SPMIP4: variants seen among roughly 807,000 people sequenced by gnomAD.
SPMIP4 encodes sperm microtubule inner protein 4, also known as sperm-associated microtubule inner protein 4.
At chr7:25,155,101 G>T in the SPMIP4 span, 1 of 1,613,800 alleles carries the variant, frequency 6.2e-7, no homozygotes, top group Non-Finnish European at 8.5e-7. Flanking sequence ...CCCGTGTAGA[G>T]GTCCTCAGGT....
chr7:25,134,623 AC>A, the SPMIP4 span: 2 of 964,180 alleles, frequency 2.1e-6, no homozygotes, highest in African/African-American at 1.8e-5. Flanking sequence ...TTTCCATGCA[AC>A]CCAGGGAAGC....
the SPMIP4 span, chr7:25,126,070 TAA>T: frequency 3.4e-6 from 1 of 295,458 alleles, no homozygotes; most frequent in Non-Finnish European, 5.0e-6. Flanking sequence ...TATATATACT[TAA>T]GAGGTACATG....
At chr7:25,162,780 A>AAT in the SPMIP4 span, among the ~76,000 whole-genome samples, 3 of 142,824 alleles carry the variant, frequency 2.1e-5, no homozygotes, top group Non-Finnish European at 3.0e-5. Flanking sequence ...ATTTATTTAA[A>AAT]TTTTTTTTTG....
At chr7:25,140,889 G>C in the SPMIP4 span, among the ~76,000 whole-genome samples, 1 of 152,124 alleles carries the variant, frequency 6.6e-6, no homozygotes, top group African/African-American at 2.4e-5. Flanking sequence ...GCCTGACCCA[G>C]CTCAGTTTTT....
the SPMIP4 span, among the ~76,000 whole-genome samples, chr7:25,173,156 ATGGACTG>A: frequency 1.3e-5 from 2 of 151,868 alleles, no homozygotes; most frequent in Non-Finnish European, 2.9e-5. This position sits in a 1 kb window ranked among gnomAD's most constrained non-coding sequence, Gnocchi z 4.4. Context: ...AGAAAGAGGT[ATGGACTG>A]TGGAGCTACT....
At chr7:25,173,701 T>C in the SPMIP4 span, among the ~76,000 whole-genome samples, 1 of 152,228 alleles carries the variant, frequency 6.6e-6, no homozygotes, top group Non-Finnish European at 1.5e-5. This position sits in a 1 kb window ranked among gnomAD's most constrained non-coding sequence, Gnocchi z 4.4. Flanking sequence ...ATTTGATTAA[T>C]GACAACCTAA....
the SPMIP4 span, chr7:25,155,157 TA>T: frequency 1.6e-5 from 25 of 1,583,730 alleles, no homozygotes; most frequent in Non-Finnish European, 2.1e-5. Flanking sequence ...GTGTGTGTGG[TA>T]GGGGTGTTCA....
the SPMIP4 span, chr7:25,161,406 ATTTT>A: frequency 2.4e-6 from 1 of 421,326 alleles, no homozygotes; most frequent in Non-Finnish European, 4.2e-6. Flanking sequence ...ATTTATTATT[ATTTT>A]ATAATAAATA....
the SPMIP4 span, among the ~76,000 whole-genome samples, chr7:25,130,304 T>C: frequency 1.3e-5 from 2 of 148,622 alleles, no homozygotes; most frequent in Non-Finnish European, 3.0e-5. Flanking sequence ...AGTGGCTGGT[T>C]ATCACTTCTT....
At chr7:25,126,106 A>C in the SPMIP4 span, 7,635 of 186,402 alleles carry the variant, frequency 0.041, 651 homozygotes, top group African/African-American at 0.17. Flanking sequence ...CAGGCATACA[A>C]TGTATAATAA....
At chr7:25,140,123 TATA>T in the SPMIP4 span, among the ~76,000 whole-genome samples, 26 of 152,214 alleles carry the variant, frequency 1.7e-4, no homozygotes, top group Non-Finnish European at 1.5e-5. Context: ...CATATGTTCA[TATA>T]ATATTTTCTA....
chr7:25,160,300 A>ATTTG, the SPMIP4 span, among the ~76,000 whole-genome samples: 1 of 70,868 alleles, frequency 1.4e-5, no homozygotes, highest in Non-Finnish European at 5.1e-5. Context: ...TTTAATATTT[A>ATTTG]TTTGTTTGTT....
the SPMIP4 span, chr7:25,168,139 A>G: frequency 1.6e-6 from 1 of 640,746 alleles, no homozygotes; most frequent in Non-Finnish European, 2.5e-6. Context: ...TTATTTCACA[A>G]TTAGAAATTA....
At chr7:25,140,276 C>G in the SPMIP4 span, among the ~76,000 whole-genome samples, 1 of 152,120 alleles carries the variant, frequency 6.6e-6, no homozygotes, top group Non-Finnish European at 1.5e-5. Context: ...AATGTAAAAT[C>G]AGTATGTTCA....
the SPMIP4 span, chr7:25,179,272 C>T: frequency 0.021 from 34,117 of 1,613,136 alleles, 873 homozygotes; most frequent in African/African-American, 0.12. Flanking sequence ...CCTTCAAGCT[C>T]CCTGCAACAG....
At chr7:25,138,816 C>T in the SPMIP4 span, among the ~76,000 whole-genome samples, 1,234 of 152,296 alleles carry the variant, frequency 8.1e-3, 14 homozygotes, top group African/African-American at 0.027. This position sits in a 1 kb window ranked among gnomAD's most constrained non-coding sequence, Gnocchi z 6.2. Context: ...GAATTTTCAA[C>T]GAGCATTTCA....
At chr7:25,142,114 T>C in the SPMIP4 span, 1 of 643,924 alleles carries the variant, frequency 1.6e-6, no homozygotes, top group South Asian at 2.0e-5. Context: ...AGAATTCACT[T>C]CTAAAATAAG....
the SPMIP4 span, chr7:25,154,914 G>T: frequency 8.6e-7 from 1 of 1,161,166 alleles, no homozygotes. Context: ...TCACACATTT[G>T]TGACTTGAGT....
the SPMIP4 span, chr7:25,155,095 T>C: frequency 1.2e-6 from 2 of 1,613,982 alleles, no homozygotes; most frequent in South Asian, 1.1e-5. Context: ...TTAATGCCCG[T>C]GTAGAGGTCC....
Sources: allele counts gnomAD v4.1 joint callset (sites outside exome capture counted in the v4.1 genomes callset), GRCh38; gene constraint gnomAD v4.1.1; non-coding constraint Gnocchi (gnomAD v3.1); transcripts MANE v1.5; gene names NCBI Gene and HGNC (gene_info 2026-07-23, HGNC 2026-07-21).